ANKRD6: variants seen among roughly 807,000 people sequenced by gnomAD.
The protein encoded by ANKRD6 is ankyrin repeat domain 6.
ANKRD6 carries 56 observed loss-of-function variants against 82.3 expected under a neutral mutation model. The ratio of observed to expected loss-of-function variants is 0.68; its 90% confidence interval spans 0.55 to 0.85. The LOEUF (loss-of-function observed/expected upper bound fraction) is 0.85, where lower values mean the gene tolerates loss of function less well. Among genes scored for constraint, ANKRD6 ranks in the 40% least tolerant of loss-of-function variants. The pLI, the probability that ANKRD6 is intolerant of heterozygous loss-of-function variation, is 0.00. For missense variants in ANKRD6, 852 were observed against 907.6 expected (o/e 0.94, Z 0.79); for synonymous variants, 347 against 352.1 (o/e 0.99, Z 0.16).
At chr6:89,434,830 T>C (rs772795057) in intron 1 of ANKRD6, among the ~76,000 whole-genome samples, 6 of 152,096 alleles carry the variant, frequency 3.9e-5, no homozygotes, top group Admixed American at 3.3e-4. Context: ...TTTTTAAAAA[T>C]TAGGGATACA....
At chr6:89,500,757 T>A (rs1779171950) in intron 1 of ANKRD6, among the ~76,000 whole-genome samples, 1 of 152,198 alleles carries the variant, frequency 6.6e-6, no homozygotes, top group South Asian at 2.1e-4. Context: ...ATTAGAGCTA[T>A]GAGGCTTTTA....
At chr6:89,613,360 C>G (rs1322763206) in intron 6 of ANKRD6, among the ~76,000 whole-genome samples, 1 of 152,186 alleles carries the variant, frequency 6.6e-6, no homozygotes, top group African/African-American at 2.4e-5. Flanking sequence ...CCTGTCCTTT[C>G]ATCCATGAGG....
chr6:89,609,651 C>T (rs1298138205), intron 5 of ANKRD6, among the ~76,000 whole-genome samples: 1 of 151,338 alleles, frequency 6.6e-6, no homozygotes, highest in South Asian at 2.1e-4. Flanking sequence ...GACAGAGTCT[C>T]ACTCTGTTGC....
chr6:89,561,929 C>T (rs192187455), intron 1 of ANKRD6, among the ~76,000 whole-genome samples: 90 of 152,266 alleles, frequency 5.9e-4, no homozygotes, highest in African/African-American at 2.1e-3. Flanking sequence ...CCCCATTACC[C>T]TTGGGGAAAT....
At chr6:89,482,527 A>G (rs1404748532) in intron 1 of ANKRD6, among the ~76,000 whole-genome samples, 2 of 152,138 alleles carry the variant, frequency 1.3e-5, no homozygotes, top group Non-Finnish European at 2.9e-5. Context: ...ATCAGCCACT[A>G]AGGAAGTCAT....
intron 15 of ANKRD6, 113 bp from the exon 16 acceptor site, chr6:89,630,320 A>T (rs1807091343): frequency 7.9e-7 from 1 of 1,264,618 alleles, no homozygotes; most frequent in Non-Finnish European, 1.1e-6. Flanking sequence ...GTGGGTGGTG[A>T]TGGAGAAGGC....
chr6:89,626,515 C>T (rs1443317741), intron 13 of ANKRD6, among the ~76,000 whole-genome samples: 4 of 152,160 alleles, frequency 2.6e-5, no homozygotes, highest in South Asian at 2.1e-4. Flanking sequence ...ACAGGAGGAG[C>T]ACAGGTCACA....
In ANKRD6 at chr6:89,630,456, G is replaced by C; in HGVS notation, c.1636G>C (p.Ala546Pro). 1 of 1,613,216 alleles carries C rather than the reference G, an allele frequency of 6.2e-7. No homozygotes were observed. The highest frequency in any genetic ancestry group is 8.5e-7 in the Non-Finnish European group (1 of 1,179,488). ...AGGTGTGGACCAATTAGTGGTGACT[G>C]CAGGTCCAGCAGCAGCTTCCGACAG... ...STGVDQLVVT[A>P]GPAAASDSSP... Residue 546 changes from alanine to proline, a missense_variant, in exon 16 of 16, where the codon GCA becomes CCA. Coordinates refer to ENST00000339746, the MANE Select transcript of ANKRD6 (RefSeq NM_001242809.2).
chr6:89,481,940 G>A (rs1018981655), intron 1 of ANKRD6, among the ~76,000 whole-genome samples: 10 of 152,136 alleles, frequency 6.6e-5, no homozygotes, highest in Non-Finnish European at 1.0e-4. Context: ...GGGCAGTGTG[G>A]GTCAAAGCAC....
In ANKRD6 at chr6:89,623,460, A is replaced by G. The variant is rs777852743; in HGVS notation, c.948A>G (p.Arg316=). 2 of 1,609,950 alleles carry G rather than the reference A, an allele frequency of 1.2e-6. No individual in the cohort carries two copies. The highest frequency in any genetic ancestry group is 2.7e-5 in the African/African-American group (2 of 74,834). Residue 316 remains arginine, a synonymous_variant, in exon 11 of 16, where the codon AGA becomes AGG. Transcript: ENST00000339746. ...CCAGCAGTGAACAGGCTGTGGCCAGAAAAGAAGAAGCCAGAGAAGAGTTCC... is the reference window on the plus strand; with the variant it reads ...CCAGCAGTGAACAGGCTGTGGCCAGGAAAGAAGAAGCCAGAGAAGAGTTCC... ...DTPSSEQAVA[R]KEEAREEFLS... is the part of the protein sequence containing the mutation.
chr6:89,579,822 A>G (rs1478916840), intron 2 of ANKRD6, among the ~76,000 whole-genome samples: 1 of 150,846 alleles, frequency 6.6e-6, no homozygotes, highest in Non-Finnish European at 1.5e-5. Context: ...AACATTTAAT[A>G]AAACTATCAG....
intron 4 of ANKRD6, among the ~76,000 whole-genome samples, 199 bp from the exon 5 acceptor site, chr6:89,605,808 G>C (rs1331383243): frequency 6.6e-6 from 1 of 152,098 alleles, no homozygotes; most frequent in Non-Finnish European, 1.5e-5. Context: ...ATCTAGAATG[G>C]TTCTTATGAT....
chr6:89,605,845 C>T (rs1026753934), intron 4 of ANKRD6, among the ~76,000 whole-genome samples, 162 bp from the exon 5 acceptor site: 1 of 152,164 alleles, frequency 6.6e-6, no homozygotes, highest in Non-Finnish European at 1.5e-5. Context: ...AATGGAGAAA[C>T]TTACCACTCA....
intron 1 of ANKRD6, among the ~76,000 whole-genome samples, chr6:89,437,061 T>C (rs1770730568): frequency 6.6e-6 from 1 of 152,186 alleles, no homozygotes; most frequent in Admixed American, 6.5e-5. Flanking sequence ...CAAAATTATG[T>C]ATAAGTATTT....
At chr6:89,555,568 T>G (rs1786478932) in intron 1 of ANKRD6, among the ~76,000 whole-genome samples, 1 of 152,034 alleles carries the variant, frequency 6.6e-6, no homozygotes, top group South Asian at 2.1e-4. Flanking sequence ...AGGAGAACCT[T>G]TAAGAGGAGG....
chr6:89,513,570 T>A (rs532343562), intron 1 of ANKRD6, among the ~76,000 whole-genome samples: 16 of 152,278 alleles, frequency 1.1e-4, no homozygotes, highest in African/African-American at 3.4e-4. Flanking sequence ...TACATTCTTA[T>A]GTAGTATGAA....
In ANKRD6 at chr6:89,613,818, T is replaced by G. The variant is rs756650176; in HGVS notation, c.543T>G (p.Ala181=). ...NNAGDTCLHV[A]ARYNHLSIIR... ...CAGGAGACACCTGTTTGCACGTTGCTGCGCGCTATAATCACTTGTCCATCA... is the reference window on the plus strand; with the variant it reads ...CAGGAGACACCTGTTTGCACGTTGCGGCGCGCTATAATCACTTGTCCATCA... Residue 181 remains alanine, a synonymous_variant, in exon 7 of 16, where the codon GCT becomes GCG. Coordinates refer to ENST00000339746, the MANE Select transcript of ANKRD6 (RefSeq NM_001242809.2). 1.2e-6 allele frequency: 2 copies of G among 1,613,976 alleles called. No homozygotes were observed. Among genetic ancestry groups the G allele is most frequent in the African/African-American group, 2.7e-5 (2 of 74,954 alleles).
At chr6:89,509,971 G>T (rs1420138273) in intron 1 of ANKRD6, among the ~76,000 whole-genome samples, 1 of 152,166 alleles carries the variant, frequency 6.6e-6, no homozygotes, top group African/African-American at 2.4e-5. Flanking sequence ...TGTTTTCCAG[G>T]CATGTGATGG....
intron 1 of ANKRD6, among the ~76,000 whole-genome samples, chr6:89,541,136 A>G (rs1360986175): frequency 6.6e-6 from 1 of 151,992 alleles, no homozygotes; most frequent in Non-Finnish European, 1.5e-5. Context: ...TATAAATTTT[A>G]GGATTTTTTT....
Sources: gnomAD v4.1 joint callset for allele counts (sites outside exome capture counted in the v4.1 genomes callset) on GRCh38, gnomAD v4.1.1 for gene constraint, MANE v1.5 for transcripts, NCBI Gene and HGNC (gene_info 2026-07-23, HGNC 2026-07-21) for gene names.